Variants in BIN1 observed in about 807,000 individuals in gnomAD.
The protein encoded by BIN1 is bridging integrator 1, also known as myc box-dependent-interacting protein 1.
Under a neutral mutation model 82.0 loss-of-function variants are expected in BIN1, and 53 were observed. That is an observed-to-expected ratio of 0.65 (90% CI 0.52 to 0.81). The LOEUF (loss-of-function observed/expected upper bound fraction) is 0.81, where lower values mean the gene tolerates loss of function less well. BIN1 is among the 40% of genes least tolerant of loss of function. The pLI is 0.00. For synonymous variants in BIN1, 302 were observed against 328.0 expected (o/e 0.92, Z 0.86); for missense variants, 642 against 784.4 (o/e 0.82, Z 2.17).
intron 12 of BIN1, chr2:127,054,352 C>T (rs1260422292): frequency 1.4e-5 from 5 of 363,832 alleles, no homozygotes; most frequent in East Asian, 6.6e-5. Context: ...AGCTCTCTTC[C>T]GCCACCATCC....
At position 127,102,445 on chromosome 2, in the gene BIN1, T is replaced by C. The variant is rs561847226; in HGVS notation, c.84+4415A>G. On this transcript the variant is annotated intron_variant, in intron 1 of 18. Coordinates refer to ENST00000316724, the MANE Select transcript of BIN1 (RefSeq NM_139343.3). ...ACAACTTCATGAAATATGGAGGGAATCTACCACCCAGGCACCCCTTCTCTT... is the reference window on the plus strand; with the variant it reads ...ACAACTTCATGAAATATGGAGGGAACCTACCACCCAGGCACCCCTTCTCTT... 3.9e-5 allele frequency among the ~76,000 whole-genome samples: 6 copies of C among 152,318 alleles called. 1 individual carries two copies. The South Asian group carries it at 8.3e-4, about 21-fold the overall frequency.
At chr2:127,054,122 C>T (rs1213428227) in intron 12 of BIN1, 110 bp from the exon 13 acceptor site, 1 of 854,200 alleles carries the variant, frequency 1.2e-6, no homozygotes, top group Non-Finnish European at 1.9e-6. Context: ...CACACACATA[C>T]ACACACCACG....
At position 127,057,614 on chromosome 2, in the gene BIN1, G is replaced by A. The variant is rs374490688; in HGVS notation, c.1003-13C>T. The A allele has an allele frequency of 1.4e-4, 209 of 1,512,542 alleles. No homozygotes were observed. The highest frequency in any genetic ancestry group is 6.1e-4 in the Admixed American group (29 of 47,368). The allele number at this position is 1,512,542 out of a possible 1,614,324, so 93.7% of individuals were successfully genotyped here. A position where few individuals can be genotyped will look rare whatever the true frequency, so the allele number is the denominator to read the frequency against. On this transcript the variant is annotated splice_polypyrimidine_tract_variant and intron_variant, in intron 11 of 18. Transcript: ENST00000316724. The surrounding 1 kb of genome is among the most constrained non-coding windows in gnomAD (Gnocchi z 5.0). ...GGCCTTTCCGGAGCTGTGGGTCGGCGGCGGGTGAGGGGCCGCGCGGGAAGG... is the reference window on the plus strand; with the variant it reads ...GGCCTTTCCGGAGCTGTGGGTCGGCAGCGGGTGAGGGGCCGCGCGGGAAGG...
At chr2:127,072,715 A>G (rs891060558) in intron 2 of BIN1, among the ~76,000 whole-genome samples, 16 of 152,114 alleles carry the variant, frequency 1.1e-4, no homozygotes, top group African/African-American at 3.9e-4. Context: ...TCCAAGTCCA[A>G]GGCCCACCGA....
rs1201624333 is a variant in BIN1, at chr2:127,060,519, G to A, written c.858-1364C>T. 14 of 1,597,370 alleles carry A rather than the reference G, an allele frequency of 8.8e-6. No homozygotes were observed. In the South Asian group the frequency reaches 1.1e-4, roughly 13 times the overall value. On this transcript the variant is annotated intron_variant, in intron 10 of 18. Coordinates refer to ENST00000316724, the MANE Select transcript of BIN1 (RefSeq NM_139343.3). ...GATTACGGGTTAGTGGCACCTGGGAGCAGGGCGCAAGGCGCATGCACAGGG... is the reference window on the plus strand; with the variant it reads ...GATTACGGGTTAGTGGCACCTGGGAACAGGGCGCAAGGCGCATGCACAGGG...
chr2:127,090,432 G>A lies in BIN1; in HGVS notation c.85-13726C>T, dbSNP rs1678772270. Among the ~76,000 whole-genome samples, 1 of 152,226 alleles carries A rather than the reference G, an allele frequency of 6.6e-6. No homozygotes were observed. Among genetic ancestry groups the A allele is most frequent in the African/African-American group, 2.4e-5 (1 of 41,464 alleles). ...TCCACCACTTCAGTTGTGCTGGGTG[G>A]GGCTCGCTGAGGACAGCCTGTCTCC... On this transcript the variant is annotated intron_variant, in intron 1 of 18. Coordinates refer to ENST00000316724, the MANE Select transcript of BIN1 (RefSeq NM_139343.3). This position sits in a 1 kb window ranked among gnomAD's most constrained non-coding sequence, Gnocchi z 6.4.
In BIN1 at chr2:127,070,744, G is replaced by A. The variant is rs761189061; in HGVS notation, c.220+18C>T. 2.9e-5 allele frequency: 47 copies of A among 1,613,808 alleles called. No individual in the cohort carries two copies. The highest frequency in any genetic ancestry group is 1.7e-4 in the Middle Eastern group (1 of 5,992). On this transcript the variant is annotated intron_variant, in intron 3 of 18. Transcript: ENST00000316724. ...CACCAGCTCTACACGGGCCAGGTGC[G>A]CTCTGCCTGCCTCCTACCTTTGACG...
chr2:127,083,206 G>A (rs958691662), intron 1 of BIN1, among the ~76,000 whole-genome samples: 4 of 151,178 alleles, frequency 2.6e-5, no homozygotes, highest in Non-Finnish European at 5.9e-5. Context: ...CCACCTCAGC[G>A]TCCCGAGTAG....
chr2:127,058,805 A>G (rs1684048147), intron 11 of BIN1, among the ~76,000 whole-genome samples: 1 of 152,136 alleles, frequency 6.6e-6, no homozygotes, highest in Admixed American at 6.5e-5. Context: ...AGGAGCGAGC[A>G]AGTCACAGAT....
rs1483383378 is a variant in BIN1, at chr2:127,063,809, GCACCGCAGCACGCAGACTGGA to G, written c.698+103_698+123del. 1.9e-3 allele frequency: 2,671 copies of G among 1,422,142 alleles called. 5 individuals carry two copies. The highest frequency in any genetic ancestry group is 9.5e-3 in the Middle Eastern group (54 of 5,714). 88.1% of individuals were successfully genotyped at this position (1,422,142 alleles called of 1,614,324 possible). A position where few individuals can be genotyped will look rare whatever the true frequency, so the allele number is the denominator to read the frequency against. On this transcript the variant is annotated intron_variant, in intron 8 of 18. Coordinates refer to ENST00000316724, the MANE Select transcript of BIN1 (RefSeq NM_139343.3). Reference sequence around the variant, plus strand: ...CTGGACACTGCAGCACACAGGCTGGGCACCGCAGCACGCAGACTGGACACCGCAGCACGCAGGCTGGGCACC... The same window carrying G: ...CTGGACACTGCAGCACACAGGCTGGGCACCGCAGCACGCAGGCTGGGCACC...
chr2:127,096,923 T>C (rs1371955157), intron 1 of BIN1, among the ~76,000 whole-genome samples: 1 of 152,168 alleles, frequency 6.6e-6, no homozygotes, highest in East Asian at 1.9e-4. Flanking sequence ...AAGGCTCTCC[T>C]GGCACCCACT....
At chr2:127,069,823 G>A (rs926288596) in intron 5 of BIN1, among the ~76,000 whole-genome samples, 172 bp downstream of exon 5, 11 of 152,216 alleles carry the variant, frequency 7.2e-5, no homozygotes, top group African/African-American at 2.7e-4. Context: ...AAGGAATGGG[G>A]GGCCGTGGGC....
intron 1 of BIN1, among the ~76,000 whole-genome samples, chr2:127,083,038 A>C (rs1687495339): frequency 6.6e-6 from 1 of 151,328 alleles, no homozygotes; most frequent in African/African-American, 2.4e-5. Context: ...CAGATTCACC[A>C]ATCAACTGTT....
intron 2 of BIN1, among the ~76,000 whole-genome samples, chr2:127,072,557 G>T (rs1322571090): frequency 2.0e-5 from 3 of 151,998 alleles, no homozygotes; most frequent in African/African-American, 4.8e-5. Flanking sequence ...TGTGACAGTA[G>T]AGACATCCAC....
chr2:127,063,892 G>C (rs778606275), intron 8 of BIN1, 41 bp downstream of exon 8: 1 of 1,611,308 alleles, frequency 6.2e-7, no homozygotes, highest in Non-Finnish European at 8.5e-7. Context: ...ACGCAGACTG[G>C]ACACTGCCCC....
chr2:127,059,038 C>G lies in BIN1; in HGVS notation c.975G>C (p.Gly325=), dbSNP rs771288492. 6.4e-7 allele frequency: 1 copy of G among 1,563,200 alleles called. No individual in the cohort carries two copies. The highest frequency in any genetic ancestry group is 8.7e-7 in the Non-Finnish European group (1 of 1,153,772). The change falls in exon 11 of 19, where the codon GGG becomes GGC. Residue 325 remains glycine (G), a synonymous_variant. Coordinates refer to ENST00000316724, the MANE Select transcript of BIN1 (RefSeq NM_139343.3). The surrounding 1 kb of genome is among the most constrained non-coding windows in gnomAD (Gnocchi z 6.7). ...GAGATGGGGACTTGGGGAGGGTGGC[C>G]CCGGGCGTGGCCCCGCCGGCCGGCT... ...EPEPAGGATP[G]ATLPKSPSQL...
At chr2:127,050,708 C>G in intron 17 of BIN1, 94 bp downstream of exon 17, 1 of 1,473,976 alleles carries the variant, frequency 6.8e-7, no homozygotes, top group Non-Finnish European at 9.5e-7. Context: ...GCCTGCACAA[C>G]TTTGGGCAAA....
In BIN1 at chr2:127,073,161, G is replaced by A. The variant is rs540931856; in HGVS notation, c.166-2345C>T. Reference sequence around the variant, plus strand: ...GTGGCACGCAGATGTGCAAGGGGCCGGCCAGAGCACTGCCTCCCTGTGCCC... The same window carrying A: ...GTGGCACGCAGATGTGCAAGGGGCCAGCCAGAGCACTGCCTCCCTGTGCCC... On this transcript the variant is annotated intron_variant, in intron 2 of 18. Coordinates refer to ENST00000316724, the MANE Select transcript of BIN1 (RefSeq NM_139343.3). 5.2e-4 allele frequency among the ~76,000 whole-genome samples: 79 copies of A among 152,340 alleles called. 1 individual carries two copies. The highest frequency in any genetic ancestry group is 1.8e-3 in the African/African-American group (74 of 41,582).
Position 127,070,768 on chromosome 2 carries a change from C to T in BIN1, c.214G>A (p.Val72Ile). 5 of 1,613,684 alleles carry T rather than the reference C, an allele frequency of 3.1e-6. No individual in the cohort carries two copies. The highest frequency in any genetic ancestry group is 1.7e-5 in the Admixed American group (1 of 60,016). The part of the protein sequence containing the change: ...QKDLRTYLAS[V>I]KAMHEASKKL... ...CGCTCTGCCTGCCTCCTACCTTTGA[C>T]GGAGGCCAGGTAGGTCCGGAGATCC... The change falls in exon 3 of 19, where the codon GTC becomes ATC. Residue 72 changes from valine (V) to isoleucine (I), a missense_variant. Transcript: ENST00000316724.
Sources: allele counts gnomAD v4.1 joint callset (sites outside exome capture counted in the v4.1 genomes callset), GRCh38; gene constraint gnomAD v4.1.1; non-coding constraint Gnocchi (gnomAD v3.1); transcripts MANE v1.5; gene names NCBI Gene and HGNC (gene_info 2026-07-23, HGNC 2026-07-21).